PIP5K1B: variants seen among roughly 807,000 people sequenced by gnomAD.
PIP5K1B encodes phosphatidylinositol 4-phosphate 5-kinase type-1 beta.
Under a neutral mutation model 67.0 loss-of-function variants are expected in PIP5K1B, and 42 were observed. The ratio of observed to expected loss-of-function variants is 0.63; its 90% CI spans 0.49 to 0.81. The LOEUF (loss-of-function observed/expected upper bound fraction) is 0.81. Ranked by LOEUF, PIP5K1B falls within the 30% of genes least tolerant of loss-of-function variation. PIP5K1B has a pLI of 0.00. For synonymous variants in PIP5K1B, 214 were observed against 231.4 expected (o/e 0.92, Z 0.68); for missense variants, 459 against 646.3 (o/e 0.71, Z 3.14).
intron 14 of PIP5K1B, among the ~76,000 whole-genome samples, chr9:68,946,252 T>C (rs1327085569): frequency 1.3e-5 from 2 of 152,332 alleles, no homozygotes; most frequent in East Asian, 1.9e-4. Context: ...ACAGCACAAC[T>C]GTGTTACCTG....
At chr9:68,718,879 C>T (rs967008164) in intron 1 of PIP5K1B, among the ~76,000 whole-genome samples, 2 of 152,070 alleles carry the variant, frequency 1.3e-5, no homozygotes, top group Non-Finnish European at 2.9e-5. Context: ...GCAGTGAGCC[C>T]CTTCACTCAT....
At chr9:68,902,659 C>A (rs752973699) in intron 8 of PIP5K1B, among the ~76,000 whole-genome samples, 1 of 152,138 alleles carries the variant, frequency 6.6e-6, no homozygotes, top group African/African-American at 2.4e-5. Context: ...ATGGTAAGTG[C>A]GTGTTGAATT....
chr9:68,882,118 A>C (rs922794853), intron 6 of PIP5K1B, among the ~76,000 whole-genome samples: 3 of 152,238 alleles, frequency 2.0e-5, no homozygotes, highest in African/African-American at 7.2e-5. Flanking sequence ...TGAATACATT[A>C]GAACAGCTTG....
rs1007179197 is a variant in PIP5K1B at position 68,862,816 on chromosome 9, T to C, written c.70-1021T>C. Among the ~76,000 whole-genome samples, 308 of 102,810 alleles carry C rather than the reference T, an allele frequency of 3.0e-3. 2 individuals carry two copies. The highest frequency in any genetic ancestry group is 8.8e-3 in the Admixed American group (87 of 9,892). The allele number at this position is 102,810 out of a possible 152,430, so 67.4% of individuals were successfully genotyped here. A position where few individuals can be genotyped will look rare whatever the true frequency, so the allele number is the denominator to read the frequency against. On this transcript the variant is annotated intron_variant, in intron 4 of 15. Coordinates refer to ENST00000265382, the MANE Select transcript of PIP5K1B (RefSeq NM_003558.4). ...CAAAAAAAAATAAAAAATAAATAAA[T>C]AAATAAATATATATATATATATAGA... is the stretch of plus-strand genomic sequence containing the variant.
intron 14 of PIP5K1B, among the ~76,000 whole-genome samples, chr9:68,988,264 G>C (rs1830177632): frequency 6.6e-6 from 1 of 150,846 alleles, no homozygotes; most frequent in Non-Finnish European, 1.5e-5. Flanking sequence ...CAAAATTAAA[G>C]TTTAAAAAAA....
At chr9:68,940,998 C>T (rs1320719614) in intron 14 of PIP5K1B, 3 of 657,872 alleles carry the variant, frequency 4.6e-6, no homozygotes, top group Admixed American at 2.1e-5. Flanking sequence ...TACAGTTGAT[C>T]ATTATGTCAT....
chr9:68,948,985 T>C (rs1449230624), intron 14 of PIP5K1B, among the ~76,000 whole-genome samples: 1 of 152,224 alleles, frequency 6.6e-6, no homozygotes, highest in Non-Finnish European at 1.5e-5. Context: ...ATAATATTTC[T>C]GGGTACTTTT....
chr9:69,007,151 TAGTA>T (rs1404424399), intron 15 of PIP5K1B, among the ~76,000 whole-genome samples: 7 of 152,238 alleles, frequency 4.6e-5, no homozygotes, highest in African/African-American at 1.7e-4. Context: ...TAAAACAAAA[TAGTA>T]AGTTCATAAA....
In PIP5K1B at chr9:69,009,062, T is replaced by C. The variant is rs535057182; in HGVS notation, c.*613T>C. On this transcript the variant is annotated 3_prime_UTR_variant, in exon 16 of 16. Coordinates refer to ENST00000265382, the MANE Select transcript of PIP5K1B (RefSeq NM_003558.4). The stretch of plus-strand genomic sequence containing the variant: ...CCTTATGTCGTGTACATACATTGTC[T>C]TTGAAATATTTGTGATCTAGTTTAT... 3.9e-5 allele frequency: 6 copies of C among 152,828 alleles called. No homozygotes were observed. The highest frequency in any genetic ancestry group is 7.3e-5 in the Non-Finnish European group (5 of 68,070). The allele number at this position is 152,828 out of a possible 1,614,324, so 9.5% of individuals were successfully genotyped here. A position where few individuals can be genotyped will look rare whatever the true frequency, so the allele number is the denominator to read the frequency against.
chr9:68,929,790 C>T (rs1429724521), intron 12 of PIP5K1B, among the ~76,000 whole-genome samples: 4 of 152,202 alleles, frequency 2.6e-5, no homozygotes, highest in Admixed American at 6.5e-5. Context: ...CTGCCTCAGC[C>T]TCCAGAGTAA....
At chr9:68,880,510 G>A (rs1231145033) in intron 6 of PIP5K1B, among the ~76,000 whole-genome samples, 1 of 151,534 alleles carries the variant, frequency 6.6e-6, no homozygotes, top group Non-Finnish European at 1.5e-5. Flanking sequence ...AGTTAAGATT[G>A]TACCACTGCA....
At chr9:68,972,793 T>C (rs1829449962) in intron 14 of PIP5K1B, among the ~76,000 whole-genome samples, 1 of 152,202 alleles carries the variant, frequency 6.6e-6, no homozygotes. Context: ...TATATAATTA[T>C]CTTCAACAAT....
intron 5 of PIP5K1B, among the ~76,000 whole-genome samples, chr9:68,865,010 T>C (rs1823286987): frequency 6.6e-6 from 1 of 152,218 alleles, no homozygotes; most frequent in African/African-American, 2.4e-5. Context: ...AAATAAAACC[T>C]GTTTGTGGAC....
intron 4 of PIP5K1B, among the ~76,000 whole-genome samples, chr9:68,831,074 T>C (rs1478994316): frequency 1.3e-5 from 2 of 152,368 alleles, no homozygotes; most frequent in South Asian, 2.1e-4. Flanking sequence ...TGGGAAAAGA[T>C]AACAGCAATG....
chr9:68,841,696 G>A lies in PIP5K1B; in HGVS notation c.69+19013G>A, dbSNP rs899547526. ...TCATTTCTGATGACAGGATTAGACAGACCTTTTTTCTTGAAAGTAATTGAA... is the reference window on the plus strand; with the variant it reads ...TCATTTCTGATGACAGGATTAGACAAACCTTTTTTCTTGAAAGTAATTGAA... On this transcript the variant is annotated intron_variant, in intron 4 of 15. Coordinates refer to ENST00000265382, the MANE Select transcript of PIP5K1B (RefSeq NM_003558.4). Among the ~76,000 whole-genome samples the A allele has an allele frequency of 2.0e-5, 3 of 152,184 alleles. 1 individual carries two copies. The highest frequency in any genetic ancestry group is 1.3e-4 in the Admixed American group (2 of 15,278).
At chr9:68,940,611 A>T in intron 13 of PIP5K1B, 35 bp from the exon 14 acceptor site, 2 of 1,599,696 alleles carry the variant, frequency 1.3e-6, no homozygotes, top group African/African-American at 2.7e-5. Flanking sequence ...TTTATCCTTG[A>T]GATTCATGAA....
chr9:68,926,730 C>G lies in PIP5K1B; in HGVS notation c.1201+3344C>G, dbSNP rs182905770. 3.4e-4 allele frequency among the ~76,000 whole-genome samples: 52 copies of G among 152,192 alleles called. No individual in the cohort carries two copies. In the East Asian group the frequency reaches 9.8e-3, roughly 29 times the overall value. On this transcript the variant is annotated intron_variant, in intron 12 of 15. Coordinates refer to ENST00000265382, the MANE Select transcript of PIP5K1B (RefSeq NM_003558.4). ...GGGATTACAGGCATGAGCCACCACACCCAGCTAATTTTTGTATTTTTAGTA... is the reference window on the plus strand; with the variant it reads ...GGGATTACAGGCATGAGCCACCACAGCCAGCTAATTTTTGTATTTTTAGTA...
intron 14 of PIP5K1B, among the ~76,000 whole-genome samples, chr9:68,965,864 T>C (rs1341950298): frequency 6.6e-6 from 1 of 151,294 alleles, no homozygotes; most frequent in Admixed American, 6.6e-5. Flanking sequence ...ATACCAGCTA[T>C]TCAGGAGGCT....
intron 2 of PIP5K1B, among the ~76,000 whole-genome samples, chr9:68,808,177 G>T (rs1056264963): frequency 5.3e-5 from 8 of 152,178 alleles, no homozygotes; most frequent in Non-Finnish European, 1.2e-4. Flanking sequence ...CAGCCTGGGT[G>T]ACAGAGCAAG....
Sources: allele counts gnomAD v4.1 joint callset (sites outside exome capture counted in the v4.1 genomes callset), GRCh38; gene constraint gnomAD v4.1.1; transcripts MANE v1.5; gene names NCBI Gene and HGNC (gene_info 2026-07-23, HGNC 2026-07-21).